ADCY3: variants seen among roughly 807,000 people sequenced by gnomAD.
ADCY3 encodes adenylate cyclase type 3.
A neutral mutation model predicts 119.4 loss-of-function variants in ADCY3; 70 were observed. The observed-to-expected ratio is 0.59, with a 90% confidence interval of 0.48 to 0.72. ADCY3 has a LOEUF of 0.72. Ranked by LOEUF, ADCY3 falls within the 30% of genes least tolerant of loss-of-function variation. The pLI is 0.00. For synonymous variants in ADCY3, 672 were observed against 621.4 expected (o/e 1.08, Z -1.21); for missense variants, 1,238 against 1,541.6 (o/e 0.80, Z 3.30).
intron 21 of ADCY3, chr2:24,820,428 G>C: frequency 1.5e-6 from 2 of 1,315,852 alleles, no homozygotes; most frequent in Non-Finnish European, 1.9e-6. Context: ...TGCCCCTTTC[G>C]TGGAGCTTTT....
At chr2:24,889,777 A>C (rs1357187826) in intron 2 of ADCY3, among the ~76,000 whole-genome samples, 1 of 152,254 alleles carries the variant, frequency 6.6e-6, no homozygotes, top group Non-Finnish European at 1.5e-5. Context: ...CGGAGGTTGC[A>C]GTGAGCCAAG....
At chr2:24,856,510 G>C (rs1673017692) in intron 3 of ADCY3, among the ~76,000 whole-genome samples, 1 of 152,200 alleles carries the variant, frequency 6.6e-6, no homozygotes, top group African/African-American at 2.4e-5. Context: ...ATCATGGCCT[G>C]ACTACCTAAG....
At chr2:24,893,336 A>C (rs1677916878) in intron 2 of ADCY3, among the ~76,000 whole-genome samples, 1 of 152,010 alleles carries the variant, frequency 6.6e-6, no homozygotes, top group East Asian at 1.9e-4. Context: ...ACGCTGCTGC[A>C]CTCCAGCCTG....
At chr2:24,833,670 C>T (rs1342248257) in intron 11 of ADCY3, among the ~76,000 whole-genome samples, 1 of 152,224 alleles carries the variant, frequency 6.6e-6, no homozygotes, top group Non-Finnish European at 1.5e-5. Context: ...TGCCATAGCC[C>T]CAGCCCTTGA....
chr2:24,872,227 T>C lies in ADCY3; in HGVS notation c.825+343A>G, dbSNP rs1172286516. 1.3e-5 allele frequency among the ~76,000 whole-genome samples: 2 copies of C among 152,196 alleles called. No individual in the cohort carries two copies. Among genetic ancestry groups the C allele is most frequent in the Admixed American group, 1.3e-4 (2 of 15,288 alleles). ...TGACCTTGGTCCCGAGAAGGTCATC[T>C]GAGAAAGGAATGCAGGAAGTCATAG... On this transcript the variant is annotated intron_variant, in intron 3 of 21. Coordinates refer to ENST00000679454, the MANE Select transcript of ADCY3 (RefSeq NM_004036.5). This position sits in a 1 kb window ranked among gnomAD's most constrained non-coding sequence, Gnocchi z 4.4.
rs748288457 is a variant in ADCY3 at position 24,838,925 on chromosome 2, T to C, written c.1356-303A>G. 5 of 1,516,310 alleles carry C rather than the reference T, an allele frequency of 3.3e-6. No homozygotes were observed. The East Asian group carries it at 1.1e-4, about 33-fold the overall frequency. 93.9% of individuals were successfully genotyped at this position (1,516,310 alleles called of 1,614,324 possible). ...AATCTTTGATCCGCTGTAAAGCAGA[T>C]CAAATGCGATAAGGAATTTTTTTTT... On this transcript the variant is annotated intron_variant, in intron 7 of 21. Coordinates refer to ENST00000679454, the MANE Select transcript of ADCY3 (RefSeq NM_004036.5).
At position 24,875,536 on chromosome 2, in the gene ADCY3, G is replaced by A. The variant is rs138824350; in HGVS notation, c.676-2817C>T. Among the ~76,000 whole-genome samples the A allele has an allele frequency of 4.0e-3, 610 of 152,378 alleles. 2 individuals carry two copies. Among genetic ancestry groups the A allele is most frequent in the Middle Eastern group, 0.017 (5 of 294 alleles). On this transcript the variant is annotated intron_variant, in intron 2 of 21. Coordinates refer to ENST00000679454, the MANE Select transcript of ADCY3 (RefSeq NM_004036.5). ...TTCCAGAGTGAGCCGCAGGAGCTGC[G>A]CTTGTGGTGGGAGAGGCTCCCGACA...
intron 8 of ADCY3, among the ~76,000 whole-genome samples, chr2:24,837,271 C>T (rs534465391): frequency 1.3e-5 from 2 of 152,012 alleles, no homozygotes; most frequent in Non-Finnish European, 2.9e-5. Context: ...ATGGGAAGAC[C>T]GAGGGAGAGC....
At chr2:24,836,762 G>A (rs1229553888) in intron 9 of ADCY3, among the ~76,000 whole-genome samples, 155 bp downstream of exon 9, 2 of 152,178 alleles carry the variant, frequency 1.3e-5, no homozygotes, top group Non-Finnish European at 2.9e-5. Context: ...GGCTGGAGGG[G>A]TGACCTGTCC....
rs556007802 is a variant in ADCY3 at position 24,853,138 on chromosome 2, T to C, written c.826-10754A>G. On this transcript the variant is annotated intron_variant, in intron 3 of 21. Transcript: ENST00000679454. ...GGCACTGCCTCCAGCCATATCAAAC[T>C]AGGAGGCAAAACCTGTAACCGAGGA... 2.0e-5 allele frequency among the ~76,000 whole-genome samples: 3 copies of C among 151,728 alleles called. No homozygotes were observed. In the East Asian group the frequency reaches 5.8e-4, roughly 30 times the overall value.
At chr2:24,831,789 A>G in intron 11 of ADCY3, 40 bp from the exon 12 acceptor site, 1 of 1,414,768 alleles carries the variant, frequency 7.1e-7, no homozygotes. Flanking sequence ...GCCAGAGGGG[A>G]CAGTGAGATG....
Position 24,875,990 on chromosome 2 carries a change from A to C in ADCY3, c.676-3271T>G, listed in dbSNP as rs6722022. Among the ~76,000 whole-genome samples, 259 of 150,512 alleles carry C rather than the reference A, an allele frequency of 1.7e-3. 1 individual carries two copies. The highest frequency in any genetic ancestry group is 5.5e-3 in the African/African-American group (227 of 40,968). ...AAAGGAGTGTGGACTTCTTTTTGGGAGGGGGGCGGTGGTGCAGATAGAGAC... is the reference window on the plus strand; with the variant it reads ...AAAGGAGTGTGGACTTCTTTTTGGGCGGGGGGCGGTGGTGCAGATAGAGAC... On this transcript the variant is annotated intron_variant, in intron 2 of 21. Coordinates refer to ENST00000679454, the MANE Select transcript of ADCY3 (RefSeq NM_004036.5).
chr2:24,828,873 C>T (rs1489623808), intron 13 of ADCY3, among the ~76,000 whole-genome samples: 1 of 152,182 alleles, frequency 6.6e-6, no homozygotes, highest in African/African-American at 2.4e-5. Context: ...GTGGTGACCT[C>T]CACACCTGGG....
chr2:24,904,504 GA>G (rs776628647), intron 2 of ADCY3, among the ~76,000 whole-genome samples: 4 of 152,064 alleles, frequency 2.6e-5, no homozygotes, highest in South Asian at 4.2e-4. Flanking sequence ...CTGAGCGACA[GA>G]GTGAAATTCC....
rs1269359557 is a variant in ADCY3 at position 24,823,191 on chromosome 2, G to A, written c.2883+18C>T. ...GGCCGGCTTCATGGCCAGAGTGCAG[G>A]GTGGGATGGGCACTCACAGAGTCAA... is the stretch of plus-strand genomic sequence containing the variant. On this transcript the variant is annotated intron_variant, in intron 18 of 21. Transcript: ENST00000679454. The A allele has an allele frequency of 6.2e-7, 1 of 1,609,882 alleles. No individual in the cohort carries two copies. The highest frequency in any genetic ancestry group is 8.5e-7 in the Non-Finnish European group (1 of 1,178,424).
At chr2:24,838,669 TCACACCCC>T (rs772606612) in intron 7 of ADCY3, 47 bp from the exon 8 acceptor site, 62 of 1,608,808 alleles carry the variant, frequency 3.9e-5, no homozygotes, top group Admixed American at 1.0e-4. Flanking sequence ...GAGGTGGCCC[TCACACCCC>T]CAGGGGACAG....
intron 3 of ADCY3, among the ~76,000 whole-genome samples, chr2:24,866,564 C>CAAAAAAA (rs71397449): frequency 4.3e-4 from 20 of 46,528 alleles, no homozygotes; most frequent in Non-Finnish European, 5.5e-4. Context: ...GACCCTGTCT[C>CAAAAAAA]AAAAAAAAAA....
chr2:24,881,057 C>T (rs1242678187), intron 2 of ADCY3, among the ~76,000 whole-genome samples: 1 of 151,740 alleles, frequency 6.6e-6, no homozygotes, highest in Non-Finnish European at 1.5e-5. Context: ...TGGCTTTGAC[C>T]ACGTGATTTG....
chr2:24,857,143 C>T (rs779599954), intron 3 of ADCY3, among the ~76,000 whole-genome samples: 8 of 152,208 alleles, frequency 5.3e-5, no homozygotes, highest in Non-Finnish European at 7.3e-5. Context: ...CTTACCCTGC[C>T]AGAGCAGGAG....
Sources: allele counts gnomAD v4.1 joint callset (sites outside exome capture counted in the v4.1 genomes callset), GRCh38; gene constraint gnomAD v4.1.1; non-coding constraint Gnocchi (gnomAD v3.1); transcripts MANE v1.5; gene names NCBI Gene and HGNC (gene_info 2026-07-23, HGNC 2026-07-21).